SAMSN1: variants seen among roughly 807,000 people sequenced by gnomAD.
The protein encoded by SAMSN1 is SAM domain-containing protein SAMSN-1.
A neutral mutation model predicts 42.0 loss-of-function variants in SAMSN1; 31 were observed. The observed-to-expected ratio is 0.74, with a 90% confidence interval of 0.55 to 1.00. The LOEUF (loss-of-function observed/expected upper bound fraction) is 1.00. SAMSN1 is among the 50% of genes least tolerant of loss of function. SAMSN1 has a pLI of 0.00. For synonymous variants in SAMSN1, 178 were observed against 151.9 expected (o/e 1.17, Z -1.26); for missense variants, 464 against 439.4 (o/e 1.06, Z -0.50).
chr21:14,577,506 A>T (rs74583304), intron 2 of SAMSN1, among the ~76,000 whole-genome samples: 1 of 151,714 alleles, frequency 6.6e-6, no homozygotes, highest in Admixed American at 6.6e-5. Context: ...TTATAAAAAC[A>T]TATGAAAGGA....
intron 2 of SAMSN1, among the ~76,000 whole-genome samples, chr21:14,635,892 TG>T (rs1983455820): frequency 6.6e-6 from 1 of 152,086 alleles, no homozygotes; most frequent in Admixed American, 6.6e-5. Flanking sequence ...ACATGTGCCA[TG>T]TTGGTTTGCT....
chr21:14,645,168 C>T (rs994887588), intron 1 of SAMSN1, among the ~76,000 whole-genome samples: 1 of 152,212 alleles, frequency 6.6e-6, no homozygotes, highest in African/African-American at 2.4e-5. Flanking sequence ...TGAGTGAACA[C>T]AGGCAGTAGC....
rs567788715 is a variant in SAMSN1 at position 14,604,962 on chromosome 21, C to A, written c.323-2863G>T. ...ATAAGATGTTCTTTTATACTACTAA[C>A]TATTGGAATGGTTTGTTTGCCACAA... On this transcript the variant is annotated intron_variant, in intron 5 of 15. Transcript: ENST00000647101. 1.6e-4 allele frequency among the ~76,000 whole-genome samples: 24 copies of A among 152,322 alleles called. 2 individuals carry two copies. In the East Asian group the frequency reaches 4.4e-3, roughly 28 times the overall value.
At chr21:14,635,713 G>A (rs1386007747) in intron 2 of SAMSN1, among the ~76,000 whole-genome samples, 1 of 152,162 alleles carries the variant, frequency 6.6e-6, no homozygotes, top group Non-Finnish European at 1.5e-5. Flanking sequence ...CTCTGCCCGG[G>A]TGTGGTGGTT....
At position 14,504,490 on chromosome 21, in the gene SAMSN1, G is replaced by A. The variant is rs573241041; in HGVS notation, c.562-3755C>T. On this transcript the variant is annotated intron_variant, in intron 5 of 7. Transcript: ENST00000400566. ...AAGTTCCAGCAACAGAATTGAATAA[G>A]TAGAAGAAAGAAATTCAGAGCTCAA... is the stretch of plus-strand genomic sequence containing the variant. Among the ~76,000 whole-genome samples the A allele has an allele frequency of 1.8e-4, 28 of 152,288 alleles. No homozygotes were observed. The South Asian group carries it at 3.9e-3, about 21-fold the overall frequency.
At chr21:14,606,116 A>C (rs1276130100) in intron 5 of SAMSN1, among the ~76,000 whole-genome samples, 2 of 152,166 alleles carry the variant, frequency 1.3e-5, no homozygotes, top group African/African-American at 4.8e-5. Flanking sequence ...CTGGGATTAC[A>C]GGCGTGAACC....
At chr21:14,591,586 A>G (rs1982087204) in intron 7 of SAMSN1, 1 of 152,194 alleles carries the variant, frequency 6.6e-6, no homozygotes, top group African/African-American at 2.4e-5. Flanking sequence ...GAAAAAGTAG[A>G]TGTGTCATAT....
chr21:14,530,351 C>CAT (rs1212814865), intron 1 of SAMSN1, among the ~76,000 whole-genome samples: 4 of 83,766 alleles, frequency 4.8e-5, no homozygotes, highest in Non-Finnish European at 1.2e-4. Flanking sequence ...GAAATAATCA[C>CAT]CAAATCCGAA....
upstream of SAMSN1, among the ~76,000 whole-genome samples, chr21:14,584,277 T>C (rs553981094): frequency 6.6e-6 from 1 of 152,278 alleles, no homozygotes; most frequent in East Asian, 1.9e-4. Context: ...AGTATGAAAA[T>C]TTTTCAAATA....
At chr21:14,591,188 A>G (rs1353201107) in intron 7 of SAMSN1, 5 of 152,190 alleles carry the variant, frequency 3.3e-5, no homozygotes, top group Admixed American at 6.5e-5. Context: ...AACTTAAACT[A>G]AGATTGGAAA....
intron 2 of SAMSN1, among the ~76,000 whole-genome samples, chr21:14,631,350 G>A (rs1291613655): frequency 6.6e-6 from 1 of 152,166 alleles, no homozygotes; most frequent in African/African-American, 2.4e-5. Context: ...TCATTTTATA[G>A]GAGAAGAAAC....
At chr21:14,606,850 T>G (rs1460748679) in intron 5 of SAMSN1, among the ~76,000 whole-genome samples, 2 of 152,218 alleles carry the variant, frequency 1.3e-5, no homozygotes, top group Non-Finnish European at 2.9e-5. Flanking sequence ...TTAACCTATA[T>G]AGTACAGTCA....
At chr21:14,569,280 G>A (rs1981215975) in intron 2 of SAMSN1, among the ~76,000 whole-genome samples, 1 of 152,252 alleles carries the variant, frequency 6.6e-6, no homozygotes, top group South Asian at 2.1e-4. Context: ...GGGCAACAGA[G>A]CAAGACCCTA....
chr21:14,503,227 G>A (rs1987250386), intron 5 of SAMSN1, among the ~76,000 whole-genome samples: 1 of 152,014 alleles, frequency 6.6e-6, no homozygotes, highest in African/African-American at 2.4e-5. Flanking sequence ...AAATCAGGTA[G>A]GATCCCTTAA....
At chr21:14,553,711 T>G (rs146396107) in intron 2 of SAMSN1, among the ~76,000 whole-genome samples, 57 of 152,286 alleles carry the variant, frequency 3.7e-4, no homozygotes, top group African/African-American at 1.3e-3. Flanking sequence ...TTCTCAATAT[T>G]TAGAAGGCTT....
chr21:14,652,719 AAAGATATAATCAACAAAGTG>A (rs1255140036), intron 1 of SAMSN1, among the ~76,000 whole-genome samples: 1 of 152,062 alleles, frequency 6.6e-6, no homozygotes, highest in Admixed American at 6.6e-5. Context: ...CCGCACAGAA[AAAGATATAATCAACAAAGTG>A]AAGAAACAAC....
At chr21:14,651,182 G>C (rs1470232116) in intron 1 of SAMSN1, among the ~76,000 whole-genome samples, 1 of 151,664 alleles carries the variant, frequency 6.6e-6, no homozygotes, top group Non-Finnish European at 1.5e-5. Flanking sequence ...CATTCTATGA[G>C]GCCAATATTA....
intron 7 of SAMSN1, among the ~76,000 whole-genome samples, chr21:14,487,182 A>G (rs570155153): frequency 6.6e-5 from 10 of 152,264 alleles, no homozygotes; most frequent in Middle Eastern, 3.4e-3. Context: ...TGGGACAAGA[A>G]CTCTGCCTAC....
intron 2 of SAMSN1, among the ~76,000 whole-genome samples, chr21:14,639,143 G>T (rs1214721605): frequency 6.6e-6 from 1 of 152,190 alleles, no homozygotes; most frequent in Admixed American, 6.5e-5. Context: ...AGTCAATATA[G>T]ACAGCAAGTC....
Sources: allele counts gnomAD v4.1 joint callset (sites outside exome capture counted in the v4.1 genomes callset), GRCh38; gene constraint gnomAD v4.1.1; transcripts MANE v1.5; gene names NCBI Gene and HGNC (gene_info 2026-07-23, HGNC 2026-07-21).